The following ITGA8 variants were observed in gnomAD, a reference collection of about 807,000 sequenced individuals.
ITGA8 encodes the protein integrin subunit alpha 8, also known as integrin alpha-8.
ITGA8 carries 91 observed loss-of-function variants against 142.3 expected under a neutral mutation model. That is an observed-to-expected ratio of 0.64 (90% CI 0.54 to 0.76). ITGA8 has a LOEUF of 0.76. Among genes scored for constraint, ITGA8 ranks in the 30% least tolerant of loss-of-function variants. The probability of loss-of-function intolerance (pLI) is 0.00; values close to 1 mark genes in which losing one functional copy is unlikely to be tolerated. For synonymous variants in ITGA8, 505 were observed against 485.2 expected, an observed-to-expected ratio of 1.04 and a Z score of -0.54; for missense variants, 1,406 against 1,327.7, an observed-to-expected ratio of 1.06 and a Z score of -0.92.
intron 2 of ITGA8, among the ~76,000 whole-genome samples, chr10:15,711,366 A>C (rs1835360880): frequency 6.6e-6 from 1 of 152,132 alleles, no homozygotes; most frequent in Non-Finnish European, 1.5e-5. Context: ...AGACCCTCCC[A>C]TAGCCTAAGA....
chr10:15,665,559 G>A (rs1295837905), intron 8 of ITGA8, among the ~76,000 whole-genome samples: 1 of 102,904 alleles, frequency 9.7e-6, no homozygotes, highest in East Asian at 2.3e-4. Flanking sequence ...TGTTGCCATT[G>A]CTTTTTGTGT....
At chr10:15,549,425 G>A (rs1833751766) in intron 26 of ITGA8, among the ~76,000 whole-genome samples, 2 of 151,876 alleles carry the variant, frequency 1.3e-5, no homozygotes, top group Admixed American at 6.6e-5. Context: ...TGGCCAGGCT[G>A]GTCTCGCACT....
intron 28 of ITGA8, among the ~76,000 whole-genome samples, chr10:15,522,298 T>C (rs1833086916): frequency 6.6e-6 from 1 of 152,246 alleles, no homozygotes; most frequent in Non-Finnish European, 1.5e-5. Context: ...TTATTTCTCT[T>C]GTTATGTACC....
chr10:15,677,076 G>T (rs1261314169), intron 6 of ITGA8, among the ~76,000 whole-genome samples: 1 of 152,164 alleles, frequency 6.6e-6, no homozygotes, highest in African/African-American at 2.4e-5. Context: ...CTCATACATG[G>T]AAGCTAAAAA....
At chr10:15,621,145 T>C (rs2131623639) in intron 13 of ITGA8, among the ~76,000 whole-genome samples, 1 of 151,200 alleles carries the variant, frequency 6.6e-6, no homozygotes, top group East Asian at 1.9e-4. Context: ...TTTGCCTTTC[T>C]CTATACATAG....
chr10:15,559,183 T>A (rs1429589242), intron 25 of ITGA8, among the ~76,000 whole-genome samples: 1 of 152,230 alleles, frequency 6.6e-6, no homozygotes, highest in Non-Finnish European at 1.5e-5. Context: ...CCAGACTCCC[T>A]AGCATGGCAC....
chr10:15,555,333 T>C (rs1309806401), intron 26 of ITGA8, among the ~76,000 whole-genome samples: 1 of 152,222 alleles, frequency 6.6e-6, no homozygotes, highest in East Asian at 1.9e-4. Context: ...AAGCTATTAA[T>C]ACTGTCTGTG....
In ITGA8 at chr10:15,515,995, G is replaced by A. The variant is rs1490906217; in HGVS notation, c.*1163C>T. 1 of 152,114 alleles carries A rather than the reference G, an allele frequency of 6.6e-6. No individual in the cohort carries two copies. Among genetic ancestry groups the A allele is most frequent in the Non-Finnish European group, 1.5e-5 (1 of 68,010 alleles). The allele number at this position is 152,114 out of a possible 1,614,324, so 9.4% of individuals were successfully genotyped here. The stretch of plus-strand genomic sequence containing the variant: ...AGTTTTCCCAGTTTGGCTCATGCCT[G>A]TATAATTTTATGTTTTTGTCTAAGT... On this transcript the variant is annotated 3_prime_UTR_variant, in exon 30 of 30. Transcript: ENST00000378076.
At position 15,514,406 on chromosome 10, in the gene ITGA8, T is replaced by A. The variant is rs1031327479; in HGVS notation, c.*2752A>T. Reference sequence around the variant, plus strand: ...TTCTTTTTTTATTTTTTATTTTATTTATTTTTTTGTTGAGACAGAGTTTCC... The same window carrying A: ...TTCTTTTTTTATTTTTTATTTTATTAATTTTTTTGTTGAGACAGAGTTTCC... On this transcript the variant is annotated 3_prime_UTR_variant, in exon 30 of 30. Transcript: ENST00000378076. The A allele has an allele frequency of 1.3e-5, 2 of 152,132 alleles. No individual in the cohort carries two copies. The highest frequency in any genetic ancestry group is 2.9e-5 in the Non-Finnish European group (2 of 68,058). The allele number at this position is 152,132 out of a possible 1,614,324, so 9.4% of individuals were successfully genotyped here. A position where few individuals can be genotyped will look rare whatever the true frequency, so the allele number is the denominator to read the frequency against.
intron 9 of ITGA8, among the ~76,000 whole-genome samples, chr10:15,660,531 G>T (rs1178724697): frequency 6.6e-6 from 1 of 152,150 alleles, no homozygotes; most frequent in Non-Finnish European, 1.5e-5. Flanking sequence ...AATTATGATG[G>T]TTCAACTGAC....
At chr10:15,556,259 CCTCAGGTGAT>C (rs951319785) in intron 26 of ITGA8, among the ~76,000 whole-genome samples, 1 of 151,820 alleles carries the variant, frequency 6.6e-6, no homozygotes, top group African/African-American at 2.4e-5. Flanking sequence ...GAACTCCTGA[CCTCAGGTGAT>C]CTGCCCACCT....
chr10:15,650,945 T>C (rs1461041533), intron 11 of ITGA8, among the ~76,000 whole-genome samples: 1 of 152,216 alleles, frequency 6.6e-6, no homozygotes, highest in African/African-American at 2.4e-5. Context: ...ATCATAATGA[T>C]ATATCCTGTA....
intron 19 of ITGA8, among the ~76,000 whole-genome samples, chr10:15,604,800 G>A (rs1161993261): frequency 1.3e-5 from 2 of 152,082 alleles, no homozygotes; most frequent in African/African-American, 4.8e-5. Flanking sequence ...ATAAAAGGAA[G>A]AGAGGTGGTT....
intron 29 of ITGA8, among the ~76,000 whole-genome samples, chr10:15,517,661 T>G (rs780119517): frequency 6.6e-5 from 10 of 152,232 alleles, no homozygotes; most frequent in Non-Finnish European, 1.5e-4. Context: ...GCTCTGCACG[T>G]ATAATCAGTC....
At chr10:15,642,042 C>T (rs927245979) in intron 13 of ITGA8, among the ~76,000 whole-genome samples, 6 of 152,054 alleles carry the variant, frequency 3.9e-5, no homozygotes, top group African/African-American at 1.2e-4. Flanking sequence ...GCAGGAGGAC[C>T]GCTTGAACCC....
At chr10:15,703,383 C>T (rs1455076330) in intron 2 of ITGA8, among the ~76,000 whole-genome samples, 3 of 152,162 alleles carry the variant, frequency 2.0e-5, no homozygotes, top group South Asian at 2.1e-4. Flanking sequence ...AATGGCTTTT[C>T]CACATCACAT....
chr10:15,655,167 G>A (rs1834159327), intron 11 of ITGA8, among the ~76,000 whole-genome samples, 187 bp downstream of exon 11: 1 of 152,104 alleles, frequency 6.6e-6, no homozygotes, highest in South Asian at 2.1e-4. Flanking sequence ...ATCTCCTTAA[G>A]GACAAAATCA....
At position 15,519,418 on chromosome 10, in the gene ITGA8, AT is replaced by A. The variant is rs1833016812; in HGVS notation, c.2983-7del. On this transcript the variant is annotated splice_region_variant and splice_polypyrimidine_tract_variant and intron_variant, in intron 28 of 29. Coordinates refer to ENST00000378076, the MANE Select transcript of ITGA8 (RefSeq NM_003638.3). ...CAAATAACTGATGTCTTAATCTGAA[AT>A]GGAAAACAAAGCAAATGAGCTCTAA... 1.4e-5 allele frequency: 23 copies of A among 1,613,376 alleles called. No homozygotes were observed. The highest frequency in any genetic ancestry group is 1.9e-5 in the Non-Finnish European group (22 of 1,179,734).
rs779402009 is a variant in ITGA8, at chr10:15,644,085, G to A, written c.1344C>T (p.Ser448=). 6.8e-6 allele frequency: 11 copies of A among 1,613,790 alleles called. No homozygotes were observed. Among genetic ancestry groups the A allele is most frequent in the Middle Eastern group, 1.6e-4 (1 of 6,084 alleles). ...QGVWASHAVP[S]GFGFTLRGDS... ...CTCCTCTTAAAGTAAAGCCAAATCC[G>A]GAAGGGACAGCATGTGAGGCCCACA... is the stretch of plus-strand genomic sequence containing the variant. Residue 448 remains serine (S), a synonymous_variant, in exon 13 of 30, where the codon TCC becomes TCT. Transcript: ENST00000378076.
Sources: allele counts gnomAD v4.1 joint callset (sites outside exome capture counted in the v4.1 genomes callset), GRCh38; gene constraint gnomAD v4.1.1; transcripts MANE v1.5; gene names NCBI Gene and HGNC (gene_info 2026-07-23, HGNC 2026-07-21).